The following FAAH2 variants were observed in gnomAD, a reference collection of about 807,000 sequenced individuals.
The protein encoded by FAAH2 is fatty acid amide hydrolase 2.
Under a neutral mutation model 36.9 loss-of-function variants are expected in FAAH2, and 60 were observed. The ratio of observed to expected loss-of-function variants is 1.63; its 90% CI spans 1.32 to 2.02. The LOEUF is 2.02. Among genes scored for constraint, FAAH2 ranks in the 30% most tolerant of loss-of-function variants. The probability of loss-of-function intolerance (pLI) is 0.00; values close to 1 mark genes in which losing one functional copy is unlikely to be tolerated. For synonymous variants in FAAH2, 214 were observed against 143.8 expected, an observed-to-expected ratio of 1.49 and a Z score of -3.49; for missense variants, 689 against 397.5, an observed-to-expected ratio of 1.73 and a Z score of -6.23.
the FAAH2 span, chrX:57,135,560 C>A: frequency 1.0e-5 from 5 of 477,720 alleles, no homozygotes; most frequent in Admixed American, 1.8e-4. Context: ...TTATTCACAG[C>A]CGAAATTGAC....
chrX:57,203,544 G>T, the FAAH2 span, among the ~76,000 whole-genome samples: 6 of 111,902 alleles, frequency 5.4e-5, no homozygotes, highest in Non-Finnish European at 5.6e-5. Flanking sequence ...CCTTTGTTTT[G>T]CAAAGTGATG....
At chrX:57,404,929 G>A (rs772158884) in intron 7 of FAAH2, among the ~76,000 whole-genome samples, 26 of 111,593 alleles carry the variant, frequency 2.3e-4, no homozygotes, top group Non-Finnish European at 3.6e-4. Flanking sequence ...GCCTCTAGTC[G>A]GCCCTCAGCT....
chrX:57,353,236 TA>T (rs1018523764), intron 5 of FAAH2, among the ~76,000 whole-genome samples: 5 of 109,122 alleles, frequency 4.6e-5, no homozygotes, highest in Non-Finnish European at 7.7e-5. Flanking sequence ...ATGGTTCTGG[TA>T]AAAAAACAGA....
chrX:57,451,926 C>T (rs928705808), intron 10 of FAAH2, among the ~76,000 whole-genome samples: 2 of 112,685 alleles, frequency 1.8e-5, no homozygotes, highest in African/African-American at 6.4e-5. Context: ...TATGCTATTT[C>T]CTGATAACAT....
chrX:57,283,143 C>A (rs1466341537), upstream of FAAH2, among the ~76,000 whole-genome samples: 1 of 112,422 alleles, frequency 8.9e-6, no homozygotes, highest in Non-Finnish European at 1.9e-5. Flanking sequence ...CCAGCCTCTT[C>A]TCCTTATGGT....
chrX:57,284,346 T>C (rs751700209), upstream of FAAH2, among the ~76,000 whole-genome samples: 2 of 111,154 alleles, frequency 1.8e-5, no homozygotes, highest in South Asian at 7.6e-4. Flanking sequence ...TGCACTCCAG[T>C]GGCGCTCCAG....
intron 7 of FAAH2, among the ~76,000 whole-genome samples, chrX:57,429,465 C>A (rs1187554430): frequency 9.0e-6 from 1 of 111,367 alleles, no homozygotes; most frequent in African/African-American, 3.3e-5. Flanking sequence ...CAATGAAATG[C>A]AAATTAAAAT....
At chrX:57,459,058 C>T (rs965885881) in intron 10 of FAAH2, among the ~76,000 whole-genome samples, 1 of 112,293 alleles carries the variant, frequency 8.9e-6, no homozygotes, top group African/African-American at 3.2e-5. Context: ...CCCATGGAGA[C>T]AAGCAAGCTA....
intron 10 of FAAH2, among the ~76,000 whole-genome samples, chrX:57,478,315 T>C (rs1042690091): frequency 9.0e-6 from 1 of 111,549 alleles, no homozygotes; most frequent in African/African-American, 3.3e-5. Context: ...TCATGTCCTT[T>C]GCCCACTTTT....
At chrX:57,421,272 C>A (rs771172443) in intron 7 of FAAH2, among the ~76,000 whole-genome samples, 1 of 111,482 alleles carries the variant, frequency 9.0e-6, no homozygotes. Context: ...GGTGATACCC[C>A]GTCTCTTCTA....
chrX:57,346,719 A>T (rs2053831443), intron 5 of FAAH2, among the ~76,000 whole-genome samples: 1 of 111,564 alleles, frequency 9.0e-6, no homozygotes, highest in Non-Finnish European at 1.9e-5. Context: ...AGCAGGCATC[A>T]TTCTTTTGTT....
chrX:57,433,450 C>CT (rs771143730), intron 8 of FAAH2, among the ~76,000 whole-genome samples: 20 of 111,448 alleles, frequency 1.8e-4, no homozygotes, highest in Non-Finnish European at 3.0e-4. Context: ...TAATGTAGCT[C>CT]TTTTTTAATT....
intron 5 of FAAH2, among the ~76,000 whole-genome samples, chrX:57,354,831 T>C (rs2054120242): frequency 9.0e-6 from 1 of 110,805 alleles, no homozygotes; most frequent in Admixed American, 9.6e-5. Flanking sequence ...TTCCATAATA[T>C]ATGTATGCTT....
At chrX:57,453,598 T>A (rs2056820477) in intron 10 of FAAH2, among the ~76,000 whole-genome samples, 1 of 108,232 alleles carries the variant, frequency 9.2e-6, no homozygotes, top group Non-Finnish European at 1.9e-5. Flanking sequence ...CTCTAGAATA[T>A]AACCCAACAG....
the FAAH2 span, among the ~76,000 whole-genome samples, chrX:57,214,132 C>T: frequency 9.0e-6 from 1 of 111,660 alleles, no homozygotes; most frequent in Non-Finnish European, 1.9e-5. Context: ...CTCTTCTTTA[C>T]TTTTGTTTCC....
the FAAH2 span, among the ~76,000 whole-genome samples, chrX:57,153,211 C>T: frequency 1.8e-5 from 2 of 111,881 alleles, no homozygotes; most frequent in Admixed American, 1.9e-4. Flanking sequence ...TGTCTATTTG[C>T]ATAGAATATC....
At chrX:57,313,635 G>T (rs181510320) in intron 3 of FAAH2, among the ~76,000 whole-genome samples, 4 of 110,387 alleles carry the variant, frequency 3.6e-5, no homozygotes, top group East Asian at 5.7e-4. Context: ...TTCCAACCAA[G>T]AATTTCATTT....
At chrX:57,248,061 A>G in the FAAH2 span, among the ~76,000 whole-genome samples, 2 of 112,307 alleles carry the variant, frequency 1.8e-5, no homozygotes, top group Non-Finnish European at 3.8e-5. Context: ...CAAATAAAGT[A>G]TCTAGCTAGA....
chrX:57,202,131 G>A, the FAAH2 span, among the ~76,000 whole-genome samples: 1 of 111,740 alleles, frequency 8.9e-6, no homozygotes, highest in Non-Finnish European at 1.9e-5. Context: ...CTCCAGGATT[G>A]GTTCCTCGTG....
Sources: allele counts gnomAD v4.1 joint callset (sites outside exome capture counted in the v4.1 genomes callset), GRCh38; gene constraint gnomAD v4.1.1; transcripts MANE v1.5; gene names NCBI Gene and HGNC (gene_info 2026-07-23, HGNC 2026-07-21).